CRYL1: variants seen among roughly 807,000 people sequenced by gnomAD.
CRYL1 encodes crystallin lambda 1.
Under a neutral mutation model 36.6 loss-of-function variants are expected in CRYL1, and 29 were observed. The observed-to-expected ratio is 0.79, with a 90% CI of 0.59 to 1.08. CRYL1 has a LOEUF of 1.08. CRYL1 is among the 50% of genes least tolerant of loss of function. The pLI is 0.00. For synonymous variants in CRYL1, 152 were observed against 151.5 expected, an observed-to-expected ratio of 1.00 and a Z score of -0.02; for missense variants, 411 against 407.9, an observed-to-expected ratio of 1.01 and a Z score of -0.06.
chr13:20,510,627 TTTC>T (rs1442124009), intron 2 of CRYL1, among the ~76,000 whole-genome samples: 4 of 148,646 alleles, frequency 2.7e-5, no homozygotes. Context: ...TTTTTTTTTT[TTTC>T]AAGACAGAGT....
chr13:20,437,430 C>T (rs2032251776), intron 4 of CRYL1, among the ~76,000 whole-genome samples: 2 of 151,942 alleles, frequency 1.3e-5, no homozygotes, highest in East Asian at 3.9e-4. Context: ...GCCTCAGCCT[C>T]CCGAGTAGCT....
At chr13:20,431,285 T>C (rs372191686) in intron 5 of CRYL1, 2 of 985,316 alleles carry the variant, frequency 2.0e-6, no homozygotes, top group Non-Finnish European at 2.4e-6. Flanking sequence ...CAGGTGCAGA[T>C]GACTCGAGCC....
At chr13:20,453,860 C>A (rs1307478067) in intron 3 of CRYL1, among the ~76,000 whole-genome samples, 2 of 152,072 alleles carry the variant, frequency 1.3e-5, no homozygotes, top group African/African-American at 2.4e-5. Context: ...AATAATAAAG[C>A]AATATTATGA....
chr13:20,505,359 C>CAAAAAAAAAAAAAAAAAAAAA lies in CRYL1; in HGVS notation c.149+7063_149+7083dup, dbSNP rs61380702. Among the ~76,000 whole-genome samples, 94 of 91,204 alleles carry CAAAAAAAAAAAAAAAAAAAAA rather than the reference C, an allele frequency of 1.0e-3. 5 individuals carry two copies. The highest frequency in any genetic ancestry group is 1.6e-3 in the Non-Finnish European group (68 of 43,638). 59.8% of individuals were successfully genotyped at this position (91,204 alleles called of 152,430 possible). A position where few individuals can be genotyped will look rare whatever the true frequency, so the allele number is the denominator to read the frequency against. Reference sequence around the variant, plus strand: ...GCAACAAAGTGAGACTCTATCCCACCAAAAAAAAAAAAAAAAAAAAAAATC... The same window carrying CAAAAAAAAAAAAAAAAAAAAA: ...GCAACAAAGTGAGACTCTATCCCACCAAAAAAAAAAAAAAAAAAAAAAAAAAAAAAAAAAAAAAAAAAAATC... On this transcript the variant is annotated intron_variant, in intron 2 of 7. Coordinates refer to ENST00000298248, the MANE Select transcript of CRYL1 (RefSeq NM_015974.3).
chr13:20,452,472 C>T (rs1227984021), intron 3 of CRYL1, among the ~76,000 whole-genome samples: 4 of 152,080 alleles, frequency 2.6e-5, no homozygotes, highest in Non-Finnish European at 5.9e-5. Context: ...CTAAACGGGT[C>T]AATTTTCCAA....
rs2032202683 is a variant in CRYL1, at chr13:20,435,893, C to G, written c.439-3597G>C. Among the ~76,000 whole-genome samples, 1 of 152,146 alleles carries G rather than the reference C, an allele frequency of 6.6e-6. No individual in the cohort carries two copies. The highest frequency in any genetic ancestry group is 1.5e-5 in the Non-Finnish European group (1 of 68,004). ...AGGCAGCCGGGCTGGGGCCTCTTGC[C>G]AGCCCTCGGTGTTCGATGCTTCATG... On this transcript the variant is annotated intron_variant, in intron 4 of 7. Coordinates refer to ENST00000298248, the MANE Select transcript of CRYL1 (RefSeq NM_015974.3). The surrounding 1 kb of genome is among the most constrained non-coding windows in gnomAD (Gnocchi z 4.0).
chr13:20,405,285 A>T (rs1418121745), intron 6 of CRYL1, among the ~76,000 whole-genome samples: 37 of 151,754 alleles, frequency 2.4e-4, no homozygotes, highest in Non-Finnish European at 5.0e-4. Context: ...AAAAAAAAAA[A>T]GTGCCAGGTC....
chr13:20,454,422 T>TG (rs1215280705), intron 3 of CRYL1, among the ~76,000 whole-genome samples: 3 of 138,230 alleles, frequency 2.2e-5, no homozygotes, highest in African/African-American at 9.9e-5. Flanking sequence ...CGTGTTTGTT[T>TG]TTTTTTTTTT....
At chr13:20,509,095 G>A (rs967377261) in intron 2 of CRYL1, among the ~76,000 whole-genome samples, 7 of 151,050 alleles carry the variant, frequency 4.6e-5, no homozygotes, top group Non-Finnish European at 8.8e-5. Context: ...TTGGGAGGCC[G>A]AGACAGGCGA....
At chr13:20,456,491 A>G (rs1225960489) in intron 3 of CRYL1, among the ~76,000 whole-genome samples, 2 of 151,458 alleles carry the variant, frequency 1.3e-5, no homozygotes, top group East Asian at 1.9e-4. Context: ...AAAAAAAAAA[A>G]AAAAAGAAAA....
chr13:20,507,631 C>T (rs1468956922), intron 2 of CRYL1, among the ~76,000 whole-genome samples: 1 of 152,188 alleles, frequency 6.6e-6, no homozygotes. Context: ...TAAAAGTCCA[C>T]GCCCAGGCTG....
chr13:20,473,962 G>A (rs2033112690), intron 3 of CRYL1, among the ~76,000 whole-genome samples: 1 of 152,082 alleles, frequency 6.6e-6, no homozygotes, highest in Non-Finnish European at 1.5e-5. Flanking sequence ...ATTTCATTGA[G>A]GGTCACCCAC....
intron 3 of CRYL1, among the ~76,000 whole-genome samples, chr13:20,446,643 C>G (rs2137411875): frequency 6.6e-6 from 1 of 152,308 alleles, no homozygotes; most frequent in Non-Finnish European, 1.5e-5. Flanking sequence ...CATTCTCACA[C>G]CTAGGCTCTC....
chr13:20,517,170 CACCCACCTT>C (rs2034014630), intron 1 of CRYL1, among the ~76,000 whole-genome samples: 2 of 152,210 alleles, frequency 1.3e-5, no homozygotes, highest in African/African-American at 4.8e-5. Flanking sequence ...CTACCTCTGG[CACCCACCTT>C]ATATGGGTGT....
chr13:20,514,832 AT>A (rs1404080046), intron 1 of CRYL1, among the ~76,000 whole-genome samples: 1 of 152,186 alleles, frequency 6.6e-6, no homozygotes, highest in East Asian at 1.9e-4. Flanking sequence ...GTCTAAAAAA[AT>A]AAAGGTTTTT....
intron 3 of CRYL1, among the ~76,000 whole-genome samples, chr13:20,482,783 A>G (rs1161563055): frequency 6.6e-6 from 1 of 152,148 alleles, no homozygotes; most frequent in Non-Finnish European, 1.5e-5. Context: ...GCACGCACAC[A>G]CGCGTCTCCT....
At chr13:20,420,701 T>TTTTTTTGTGTGTG in intron 5 of CRYL1, among the ~76,000 whole-genome samples, 1 of 21,874 alleles carries the variant, frequency 4.6e-5, no homozygotes, top group East Asian at 2.1e-3. Context: ...AAAATAGAGG[T>TTTTTTTGTGTGTG]TGTGTGTGTG....
At chr13:20,437,410 C>A (rs2032250617) in intron 4 of CRYL1, among the ~76,000 whole-genome samples, 1 of 151,768 alleles carries the variant, frequency 6.6e-6, no homozygotes, top group Admixed American at 6.6e-5. Context: ...TGGGTTCACA[C>A]CATTCTCCTG....
rs1332758072 is a variant in CRYL1 at position 20,495,964 on chromosome 13, A to G, written c.150-6468T>C. On this transcript the variant is annotated intron_variant, in intron 2 of 7. Coordinates refer to ENST00000298248, the MANE Select transcript of CRYL1 (RefSeq NM_015974.3). ...AGGAATGCACCACCACACCCAACTG[A>G]TTTTTGTATTTTTTAGTGGAGACGG... Among the ~76,000 whole-genome samples the G allele has an allele frequency of 7.9e-5, 12 of 152,110 alleles. No homozygotes were observed. In the South Asian group the frequency reaches 2.5e-3, roughly 32 times the overall value.
Sources: gnomAD v4.1 joint callset for allele counts (sites outside exome capture counted in the v4.1 genomes callset) on GRCh38, gnomAD v4.1.1 for gene constraint, Gnocchi (gnomAD v3.1) non-coding constraint, MANE v1.5 for transcripts, NCBI Gene and HGNC (gene_info 2026-07-23, HGNC 2026-07-21) for gene names.